LYST: variants seen among roughly 807,000 people sequenced by gnomAD.
LYST encodes the protein lysosomal trafficking regulator.
In LYST, 192 loss-of-function variants were observed where a neutral mutation model predicts 413.6. The ratio of observed to expected loss-of-function variants is 0.46; its 90% CI spans 0.41 to 0.52. LYST has a LOEUF of 0.52. Among genes scored for constraint, LYST ranks in the 20% least tolerant of loss-of-function variants. The probability of loss-of-function intolerance (pLI) is 0.00; values close to 1 mark genes in which losing one functional copy is unlikely to be tolerated. For synonymous variants in LYST, 1,525 were observed against 1,567.3 expected (o/e 0.97, Z 0.64); for missense variants, 3,815 against 4,499.9 (o/e 0.85, Z 4.35).
chr1:235,735,431 C>T (rs992434285), intron 31 of LYST: 1 of 152,088 alleles, frequency 6.6e-6, no homozygotes, highest in Non-Finnish European at 1.5e-5. Flanking sequence ...GGCCCTAAAA[C>T]CAAAATTCAC....
chr1:235,867,042 C>G (rs939756926), upstream of LYST: 1 of 152,402 alleles, frequency 6.6e-6, no homozygotes, highest in Non-Finnish European at 1.5e-5. Flanking sequence ...CCGCCTCGCG[C>G]GTGTAAGCCC....
In LYST at chr1:235,709,525, A is replaced by G. The variant is rs74480470; in HGVS notation, c.9926-217T>C. ...TGTGAGCTAATGCTATCATAATTAAATTTGAGATCTTTCAACTTTATCCTT... is the reference window on the plus strand; with the variant it reads ...TGTGAGCTAATGCTATCATAATTAAGTTTGAGATCTTTCAACTTTATCCTT... On this transcript the variant is annotated intron_variant, in intron 43 of 52. Coordinates refer to ENST00000389793, the MANE Select transcript of LYST (RefSeq NM_000081.4). Among the ~76,000 whole-genome samples, 14,208 of 149,848 alleles carry G rather than the reference A, an allele frequency of 0.095. 1,087 individuals are homozygous for G. Among genetic ancestry groups the G allele is most frequent in the Middle Eastern group, 0.15 (43 of 294 alleles).
At chr1:235,743,019 G>GGTAT (rs1473268468) in intron 30 of LYST, among the ~76,000 whole-genome samples, 1 of 151,384 alleles carries the variant, frequency 6.6e-6, no homozygotes, top group Non-Finnish European at 1.5e-5. Context: ...CTTTATCATA[G>GGTAT]GTATGTATGT....
At chr1:235,723,946 C>G (rs1346465208) in intron 39 of LYST, 82 bp downstream of exon 39, 33 of 1,205,204 alleles carry the variant, frequency 2.7e-5, no homozygotes, top group Non-Finnish European at 4.0e-5. Flanking sequence ...TTCAGTAAAC[C>G]TTCATGTAAT....
intron 31 of LYST, among the ~76,000 whole-genome samples, chr1:235,741,131 C>A (rs1438552587): frequency 6.6e-6 from 1 of 152,092 alleles, no homozygotes; most frequent in Non-Finnish European, 1.5e-5. Flanking sequence ...TCCAAACAAT[C>A]CTTAAATAAA....
At chr1:235,807,611 C>A (rs921498252) in intron 5 of LYST, among the ~76,000 whole-genome samples, 15 of 152,064 alleles carry the variant, frequency 9.9e-5, no homozygotes, top group Non-Finnish European at 2.1e-4. Context: ...ATGCCACACA[C>A]GAAGATATTG....
At chr1:235,682,139 G>A (rs775839166) in intron 48 of LYST, among the ~76,000 whole-genome samples, 27 of 152,126 alleles carry the variant, frequency 1.8e-4, no homozygotes, top group African/African-American at 5.1e-4. Flanking sequence ...GTGGGAGCCC[G>A]TCTCTAGAAA....
At position 235,664,083 on chromosome 1, in the gene LYST, T is replaced by G; in HGVS notation, c.11196-28A>C. ...AGAGGGGAAAAAAATCATCTAATTA[T>G]GCAAACTAAAATTACTCTCCCTAAA... On this transcript the variant is annotated intron_variant, in intron 51 of 52. Coordinates refer to ENST00000389793, the MANE Select transcript of LYST (RefSeq NM_000081.4). The surrounding 1 kb of genome is among the most constrained non-coding windows in gnomAD (Gnocchi z 4.5). 6.5e-7 allele frequency: 1 copy of G among 1,534,810 alleles called. No individual in the cohort carries two copies. Among genetic ancestry groups the G allele is most frequent in the African/African-American group, 1.4e-5 (1 of 73,532 alleles).
intron 47 of LYST, 85 bp downstream of exon 47, chr1:235,693,265 A>T (rs574040792): frequency 9.7e-7 from 1 of 1,030,380 alleles, no homozygotes; most frequent in South Asian, 1.3e-5. Flanking sequence ...GCAGTGAGCC[A>T]AGATGTGTCA....
chr1:235,730,613 G>A (rs993028815), intron 36 of LYST, among the ~76,000 whole-genome samples: 21 of 72,164 alleles, frequency 2.9e-4, no homozygotes, highest in East Asian at 4.7e-4. Context: ...GTGTGTGTGT[G>A]TATATGTAAA....
At chr1:235,838,013 T>C (rs771256800) in intron 1 of LYST, among the ~76,000 whole-genome samples, 1 of 152,052 alleles carries the variant, frequency 6.6e-6, no homozygotes, top group Non-Finnish European at 1.5e-5. Flanking sequence ...AAGACCAACA[T>C]ACAAGTGGAA....
intron 44 of LYST, among the ~76,000 whole-genome samples, chr1:235,705,948 C>T (rs1188126418): frequency 6.6e-6 from 1 of 151,970 alleles, no homozygotes; most frequent in East Asian, 1.9e-4. Context: ...AGAGCCACTA[C>T]CACCCAGCTA....
chr1:235,837,218 G>C (rs1267097676), intron 1 of LYST, among the ~76,000 whole-genome samples: 2 of 152,188 alleles, frequency 1.3e-5, no homozygotes, highest in African/African-American at 2.4e-5. Context: ...ATCCAACACA[G>C]GAGACTGAGA....
chr1:235,861,066 A>T (rs1290231659), intron 1 of LYST, among the ~76,000 whole-genome samples: 1 of 152,016 alleles, frequency 6.6e-6, no homozygotes, highest in Non-Finnish European at 1.5e-5. Context: ...GTAATCTGTT[A>T]TATAAACATT....
intron 1 of LYST, among the ~76,000 whole-genome samples, chr1:235,846,517 A>G (rs1677893161): frequency 6.6e-6 from 1 of 152,166 alleles, no homozygotes; most frequent in South Asian, 2.1e-4. Context: ...ATCCAAACCA[A>G]GAAGAAATCC....
At chr1:235,706,793 T>A (rs1384929483) in intron 44 of LYST, among the ~76,000 whole-genome samples, 4 of 152,204 alleles carry the variant, frequency 2.6e-5, no homozygotes, top group African/African-American at 9.6e-5. Flanking sequence ...TTATTCTCTT[T>A]TCTAGATTAT....
chr1:235,830,734 T>C (rs1406429468), intron 2 of LYST, among the ~76,000 whole-genome samples: 1 of 152,104 alleles, frequency 6.6e-6, no homozygotes, highest in African/African-American at 2.4e-5. Context: ...TTAAATACAA[T>C]AAAAATAAAC....
intron 10 of LYST, among the ~76,000 whole-genome samples, chr1:235,799,535 A>G (rs1671958526): frequency 6.6e-6 from 1 of 152,236 alleles, no homozygotes; most frequent in South Asian, 2.1e-4. Flanking sequence ...ACAAAAACGT[A>G]TAACCTGAAT....
chr1:235,731,556 ATTTTTTT>A (rs61633038), intron 34 of LYST, among the ~76,000 whole-genome samples: 4 of 121,442 alleles, frequency 3.3e-5, no homozygotes, highest in African/African-American at 1.3e-4. Flanking sequence ...CCCATTTTGC[ATTTTTTT>A]TTTTTTTTTT....
Sources: allele counts gnomAD v4.1 joint callset (sites outside exome capture counted in the v4.1 genomes callset), GRCh38; gene constraint gnomAD v4.1.1; non-coding constraint Gnocchi (gnomAD v3.1); transcripts MANE v1.5; gene names NCBI Gene and HGNC (gene_info 2026-07-23, HGNC 2026-07-21).